The following OAS3 variants were observed in gnomAD, a reference collection of about 807,000 sequenced individuals.
OAS3 encodes the protein 2'-5'-oligoadenylate synthase 3.
A neutral mutation model predicts 113.0 loss-of-function variants in OAS3; 107 were observed. That is an observed-to-expected ratio of 0.95 (90% CI 0.81 to 1.11). OAS3 has a LOEUF of 1.11. OAS3 is among the 50% of genes most tolerant of loss of function. The pLI is 0.00. For synonymous variants in OAS3, 552 were observed against 573.6 expected, an observed-to-expected ratio of 0.96 and a Z score of 0.54; for missense variants, 1,258 against 1,389.1, an observed-to-expected ratio of 0.91 and a Z score of 1.50.
In OAS3 at chr12:112,954,586, G is replaced by A. The variant is rs2043818077; in HGVS notation, c.1657+3611G>A. Among the ~76,000 whole-genome samples the A allele has an allele frequency of 8.5e-5, 13 of 152,154 alleles. No individual in the cohort carries two copies. The South Asian group carries it at 2.7e-3, about 32-fold the overall frequency. On this transcript the variant is annotated intron_variant, in intron 7 of 15. Coordinates refer to ENST00000228928, the MANE Select transcript of OAS3 (RefSeq NM_006187.4). The surrounding 1 kb of genome is among the most constrained non-coding windows in gnomAD (Gnocchi z 4.0). Reference sequence around the variant, plus strand: ...GCTGGGATTACAGGCGTGAGCCACTGCGCCTGGCCCCATTTCTTGTTTTTG... The same window carrying A: ...GCTGGGATTACAGGCGTGAGCCACTACGCCTGGCCCCATTTCTTGTTTTTG...
chr12:112,953,445 CAT>C (rs2136351931), intron 7 of OAS3, among the ~76,000 whole-genome samples: 1 of 152,326 alleles, frequency 6.6e-6, no homozygotes, highest in African/African-American at 2.4e-5. Context: ...CCACAATAAA[CAT>C]ATGTGTGCAT....
chr12:112,946,306 G>T (rs1038549111), intron 3 of OAS3, among the ~76,000 whole-genome samples: 1 of 152,130 alleles, frequency 6.6e-6, no homozygotes, highest in Non-Finnish European at 1.5e-5. Flanking sequence ...TTGGGATGGG[G>T]GATAGACGGC....
chr12:112,948,268 G>A (rs1443929081), intron 5 of OAS3, among the ~76,000 whole-genome samples, 169 bp downstream of exon 5: 1 of 152,128 alleles, frequency 6.6e-6, no homozygotes, highest in African/African-American at 2.4e-5. Context: ...GGCCGAGGTG[G>A]GCAGATTACC....
chr12:112,964,135 G>A (rs1021545079), intron 10 of OAS3, 100 bp from the exon 11 acceptor site: 35 of 1,203,860 alleles, frequency 2.9e-5, no homozygotes, highest in Non-Finnish European at 4.1e-5. Context: ...GGACATGGGA[G>A]ACAGTGGGAG....
chr12:112,963,240 T>G lies in OAS3; in HGVS notation c.2085-73T>G. The G allele has an allele frequency of 6.8e-7, 1 of 1,464,082 alleles. No individual in the cohort carries two copies. The highest frequency in any genetic ancestry group is 1.4e-5 in the African/African-American group (1 of 71,154). The allele number at this position is 1,464,082 out of a possible 1,614,324, so 90.7% of individuals were successfully genotyped here. A position where few individuals can be genotyped will look rare whatever the true frequency, so the allele number is the denominator to read the frequency against. ...CACTCTTTCCAGCCCTCACGCCCCT[T>G]TTCAGCCCTTCCACCCGCCTCCTCT... is the stretch of plus-strand genomic sequence containing the variant. On this transcript the variant is annotated intron_variant, in intron 9 of 15. Transcript: ENST00000228928. This position sits in a 1 kb window ranked among gnomAD's most constrained non-coding sequence, Gnocchi z 4.6.
At position 112,961,186 on chromosome 12, in the gene OAS3, G is replaced by T. The variant is rs760640073; in HGVS notation, c.1773G>T (p.Met591Ile). 46 of 1,613,180 alleles carry T rather than the reference G, an allele frequency of 2.9e-5. 1 individual carries two copies. In the South Asian group the frequency reaches 4.6e-4, roughly 16 times the overall value. ...TCGCAGAGCTGCGGAGGAACTTCAT[G>T]AACATTCGCCCTGTCAAGCTGAAGA... ...ACFAELRRNFMNIRPVKLKNL... is the reference protein window; with the variant it reads ...ACFAELRRNFINIRPVKLKNL... The change falls in exon 8 of 16, where the codon ATG (methionine) becomes ATT (isoleucine). Residue 591 changes from methionine (M) to isoleucine (I), a missense_variant. Met to Ile is a conservative substitution (Grantham distance 10). Transcript: ENST00000228928.
chr12:112,951,268 G>A (rs1319945764), intron 7 of OAS3, among the ~76,000 whole-genome samples: 1 of 151,600 alleles, frequency 6.6e-6, no homozygotes, highest in African/African-American at 2.4e-5. Flanking sequence ...ATATCTGCTT[G>A]GTATTTTTTT....
At chr12:112,948,501 C>CAAA (rs2043754258) in intron 5 of OAS3, among the ~76,000 whole-genome samples, 1 of 35,534 alleles carries the variant, frequency 2.8e-5, no homozygotes, top group Admixed American at 3.1e-4. Context: ...AGACTCCGTC[C>CAAA]CAAAAAAAAA....
chr12:112,950,871 A>G lies in OAS3; in HGVS notation c.1553A>G (p.Gln518Arg), dbSNP rs1345574877. 6.2e-7 allele frequency: 1 copy of G among 1,613,902 alleles called. No homozygotes were observed. Among genetic ancestry groups the G allele is most frequent in the Non-Finnish European group, 8.5e-7 (1 of 1,179,906 alleles). Residue 518 changes from glutamine (Q) to arginine (R), a missense_variant, in exon 7 of 16, where the codon CAG (glutamine) becomes CGG (arginine). Physicochemically the swap from Gln to Arg is conservative, Grantham distance 43. Coordinates refer to ENST00000228928, the MANE Select transcript of OAS3 (RefSeq NM_006187.4). The stretch of plus-strand genomic sequence containing the variant: ...GACCAGGTGCCCAGCCTGAGCCTTC[A>G]GTTTCCTGAGCAGAATGTGCCTGAG... ...WQDQVPSLSLQFPEQNVPEAL... is the reference protein window; with the variant it reads ...WQDQVPSLSLRFPEQNVPEAL...
intron 3 of OAS3, among the ~76,000 whole-genome samples, chr12:112,946,153 G>A (rs1204862240): frequency 6.6e-6 from 1 of 152,128 alleles, no homozygotes; most frequent in Non-Finnish European, 1.5e-5. Flanking sequence ...GGTGCTTCTA[G>A]CCAGGGGGGT....
intron 7 of OAS3, among the ~76,000 whole-genome samples, chr12:112,955,277 T>C (rs2043822699): frequency 6.6e-6 from 1 of 152,238 alleles, no homozygotes; most frequent in Non-Finnish European, 1.5e-5. Context: ...ACAGGGACAA[T>C]TTGACTTCCT....
intron 3 of OAS3, 124 bp from the exon 4 acceptor site, chr12:112,946,619 A>G (rs2043731611): frequency 1.3e-6 from 1 of 790,612 alleles, no homozygotes; most frequent in Non-Finnish European, 2.0e-6. Flanking sequence ...TTCTTGGAAC[A>G]GGCTTGGAAC....
rs765553712 is a variant in OAS3 at position 112,950,879 on chromosome 12, G to A, written c.1561G>A (p.Glu521Lys). ...GCCCAGCCTGAGCCTTCAGTTTCCTGAGCAGAATGTGCCTGAGGCTCTGCA... is the reference window on the plus strand; with the variant it reads ...GCCCAGCCTGAGCCTTCAGTTTCCTAAGCAGAATGTGCCTGAGGCTCTGCA... ...QVPSLSLQFP[E>K]QNVPEALQFQ... The change falls in exon 7 of 16, where the codon GAG becomes AAG. Residue 521 changes from glutamate to lysine, a missense_variant. Transcript: ENST00000228928. The A allele has an allele frequency of 1.1e-5, 17 of 1,613,886 alleles. 2 individuals are homozygous for A. The highest frequency in any genetic ancestry group is 8.8e-5 in the South Asian group (8 of 91,080).
At chr12:112,946,445 T>C in intron 3 of OAS3, among the ~76,000 whole-genome samples, 1 of 152,142 alleles carries the variant, frequency 6.6e-6, no homozygotes, top group Non-Finnish European at 1.5e-5. Context: ...TTCACCTTTA[T>C]TTGAGGATAG....
At chr12:112,941,962 C>A in intron 2 of OAS3, 110 bp downstream of exon 2, 1 of 1,310,036 alleles carries the variant, frequency 7.6e-7, no homozygotes, top group South Asian at 1.2e-5. Context: ...CTGGGCCAGC[C>A]TCTACCCCTC....
At chr12:112,956,225 CTT>C (rs761573650) in intron 7 of OAS3, among the ~76,000 whole-genome samples, 9 of 152,150 alleles carry the variant, frequency 5.9e-5, no homozygotes, top group Non-Finnish European at 1.3e-4. Flanking sequence ...ATCCTTCTCT[CTT>C]TTCTTCTTTA....
chr12:112,971,742 C>T lies in OAS3; in HGVS notation c.*1769C>T, dbSNP rs563617658. 6.6e-6 allele frequency: 1 copy of T among 152,252 alleles called. No individual in the cohort carries two copies. Among genetic ancestry groups the T allele is most frequent in the Non-Finnish European group, 1.5e-5 (1 of 68,050 alleles). The allele number at this position is 152,252 out of a possible 1,614,324, so 9.4% of individuals were successfully genotyped here. ...AGGTGAGCAACCAAGGGAAGCTCCT[C>T]TGATTCACCTAGAACCTGTTCTCTG... is the stretch of plus-strand genomic sequence containing the variant. On this transcript the variant is annotated 3_prime_UTR_variant, in exon 16 of 16. Coordinates refer to ENST00000228928, the MANE Select transcript of OAS3 (RefSeq NM_006187.4).
chr12:112,964,513 A>G, intron 11 of OAS3, 105 bp downstream of exon 11: 2 of 1,198,632 alleles, frequency 1.7e-6, no homozygotes, highest in Non-Finnish European at 2.3e-6. Context: ...CAAACAGCAA[A>G]AAGCCAGGCA....
At chr12:112,945,414 C>A (rs538195362) in intron 3 of OAS3, 1 of 153,580 alleles carries the variant, frequency 6.5e-6, no homozygotes, top group East Asian at 1.9e-4. Flanking sequence ...TATTGTATTT[C>A]TGTTCATATT....
Sources: allele counts gnomAD v4.1 joint callset (sites outside exome capture counted in the v4.1 genomes callset), GRCh38; gene constraint gnomAD v4.1.1; non-coding constraint Gnocchi (gnomAD v3.1); transcripts MANE v1.5; gene names NCBI Gene and HGNC (gene_info 2026-07-23, HGNC 2026-07-21).